ANKRD18B: variants seen among roughly 807,000 people sequenced by gnomAD.
ANKRD18B encodes ankyrin repeat domain 18B.
Under a neutral mutation model 111.8 loss-of-function variants are expected in ANKRD18B, and 75 were observed. The observed-to-expected ratio is 0.67, with a 90% confidence interval of 0.56 to 0.81. The LOEUF (loss-of-function observed/expected upper bound fraction) is 0.81, where lower values mean the gene tolerates loss of function less well. ANKRD18B is among the 40% of genes least tolerant of loss of function. The pLI, the probability that ANKRD18B is intolerant of heterozygous loss-of-function variation, is 0.00. For synonymous variants in ANKRD18B, 356 were observed against 417.3 expected (o/e 0.85, Z 1.79); for missense variants, 1,038 against 1,225.5 (o/e 0.85, Z 2.28).
In ANKRD18B at chr9:33,540,181, C is replaced by A. The variant is rs1828258330; in HGVS notation, c.966C>A (p.Ser322Arg). The change falls in exon 8 of 19, where the codon AGC becomes AGA. Residue 322 changes from serine to arginine, a missense_variant. This residue lies in a region of ANKRD18B where 93 missense variants were observed against 141.3 expected (regional missense o/e 0.66). Transcript: ENST00000684830. ...TCTCCTGCCTCAGCCTCCCGAGGAGCTGGGACAACAGGCACATGCGACCAT... is the reference window on the plus strand; with the variant it reads ...TCTCCTGCCTCAGCCTCCCGAGGAGATGGGACAACAGGCACATGCGACCAT... ...KQFSCLSLPR[S>R]WDNRHMRPCP... The A allele has an allele frequency of 6.6e-6, 1 of 151,268 alleles. No individual in the cohort carries two copies. The highest frequency in any genetic ancestry group is 3.4e-3 in the Middle Eastern group (1 of 294). 9.4% of individuals were successfully genotyped at this position (151,268 alleles called of 1,614,324 possible). A position where few individuals can be genotyped will look rare whatever the true frequency, so the allele number is the denominator to read the frequency against.
At chr9:33,559,344 C>T (rs1262123427) in intron 14 of ANKRD18B, among the ~76,000 whole-genome samples, 1 of 152,036 alleles carries the variant, frequency 6.6e-6, no homozygotes, top group Non-Finnish European at 1.5e-5. Context: ...ATCTCTTGGC[C>T]CTGCAACAGC....
chr9:33,570,433 A>G (rs1039333380), intron 17 of ANKRD18B, among the ~76,000 whole-genome samples: 77 of 146,320 alleles, frequency 5.3e-4, no homozygotes, highest in Middle Eastern at 6.9e-3. Flanking sequence ...CACAGGTACC[A>G]CTTTAATTTA....
intron 11 of ANKRD18B, 119 bp downstream of exon 11, chr9:33,548,974 A>G (rs1334349802): frequency 9.5e-7 from 1 of 1,052,104 alleles, no homozygotes; most frequent in African/African-American, 1.6e-5. Context: ...ACCATTCTGT[A>G]TAATTCCATT....
At chr9:33,566,745 T>G (rs1828691508) in intron 15 of ANKRD18B, among the ~76,000 whole-genome samples, 1 of 152,170 alleles carries the variant, frequency 6.6e-6, no homozygotes, top group Non-Finnish European at 1.5e-5. Context: ...ATTTGATGAT[T>G]AAGACCAGTT....
intron 13 of ANKRD18B, among the ~76,000 whole-genome samples, chr9:33,556,672 ATCTTT>A (rs1232467687): frequency 1.3e-5 from 2 of 152,054 alleles, no homozygotes; most frequent in African/African-American, 4.8e-5. Context: ...GTATTTGGTC[ATCTTT>A]TCTTCCTTTT....
chr9:33,545,962 C>A (rs1209871616), intron 10 of ANKRD18B, among the ~76,000 whole-genome samples: 1 of 152,118 alleles, frequency 6.6e-6, no homozygotes, highest in East Asian at 1.9e-4. Context: ...TTCTCATAAT[C>A]TTTGTTCATT....
intron 9 of ANKRD18B, among the ~76,000 whole-genome samples, chr9:33,541,790 T>TA (rs1239875644): frequency 6.6e-6 from 1 of 152,198 alleles, no homozygotes; most frequent in East Asian, 1.9e-4. Flanking sequence ...TTTTGCTTTT[T>TA]AAAAAAATTT....
At position 33,556,871 on chromosome 9, in the gene ANKRD18B, T is replaced by C. The variant is rs1420551035; in HGVS notation, c.2330+1051T>C. Reference sequence around the variant, plus strand: ...GGGTAGCTCCATTGTATACATGAAGTATACATCTTATTAAACTTCTGTTTT... The same window carrying C: ...GGGTAGCTCCATTGTATACATGAAGCATACATCTTATTAAACTTCTGTTTT... On this transcript the variant is annotated intron_variant, in intron 13 of 18. Coordinates refer to ENST00000684830, the MANE Select transcript of ANKRD18B (RefSeq NM_001393611.1). Among the ~76,000 whole-genome samples the C allele has an allele frequency of 3.9e-5, 6 of 152,188 alleles. No homozygotes were observed. In the East Asian group the frequency reaches 1.2e-3, roughly 29 times the overall value.
At chr9:33,542,449 C>T (rs893090828) in intron 9 of ANKRD18B, among the ~76,000 whole-genome samples, 4 of 149,530 alleles carry the variant, frequency 2.7e-5, no homozygotes, top group Non-Finnish European at 5.9e-5. Flanking sequence ...ATGGCATGAT[C>T]GAGACTCACT....
chr9:33,530,985 C>CT lies in ANKRD18B; in HGVS notation c.495+1821dup, dbSNP rs561658030. Among the ~76,000 whole-genome samples, 829 of 151,074 alleles carry CT rather than the reference C, an allele frequency of 5.5e-3. 5 individuals are homozygous for CT. Among genetic ancestry groups the CT allele is most frequent in the East Asian group, 0.039 (200 of 5,166 alleles). On this transcript the variant is annotated intron_variant, in intron 3 of 18. Transcript: ENST00000684830. ...GTTAGATCAGTAGCAAATCTTGAAC[C>CT]TTTTTTTTTCAGTTGCAGTTGTATT...
intron 13 of ANKRD18B, among the ~76,000 whole-genome samples, chr9:33,556,443 T>C (rs1219037000): frequency 6.6e-6 from 1 of 152,054 alleles, no homozygotes; most frequent in Non-Finnish European, 1.5e-5. Context: ...TTTGTATTTT[T>C]AGTAGAGATG....
intron 14 of ANKRD18B, among the ~76,000 whole-genome samples, chr9:33,560,444 G>A (rs996400932): frequency 2.0e-5 from 3 of 152,214 alleles, no homozygotes; most frequent in African/African-American, 4.8e-5. Context: ...TATCTGCACC[G>A]GATGTTTTAT....
chr9:33,524,756 T>C, intron 1 of ANKRD18B, 61 bp downstream of exon 1: 1 of 1,502,884 alleles, frequency 6.7e-7, no homozygotes, highest in Non-Finnish European at 8.9e-7. Flanking sequence ...CCGCACCGCC[T>C]GAGGCGGGGT....
At chr9:33,542,667 C>T (rs116386583) in intron 9 of ANKRD18B, among the ~76,000 whole-genome samples, 1,601 of 152,100 alleles carry the variant, frequency 0.011, 27 homozygotes, top group African/African-American at 0.036. Context: ...GAGCTACGTC[C>T]CCAGCCTACA....
chr9:33,572,309 T>G lies in ANKRD18B; in HGVS notation c.3224-7T>G. 6.2e-7 allele frequency: 1 copy of G among 1,605,876 alleles called. No individual in the cohort carries two copies. Among genetic ancestry groups the G allele is most frequent in the Non-Finnish European group, 8.5e-7 (1 of 1,174,230 alleles). ...TAAAGAACATAATCCTTTCTTTTTC[T>G]TTCCAGCTTTTGCTGCGTTGGGCCC... On this transcript the variant is annotated splice_polypyrimidine_tract_variant and splice_region_variant and intron_variant, in intron 18 of 18. Transcript: ENST00000684830.
intron 12 of ANKRD18B, among the ~76,000 whole-genome samples, chr9:33,552,533 G>C (rs1253798504): frequency 8.5e-5 from 13 of 152,116 alleles, no homozygotes; most frequent in Non-Finnish European, 1.5e-4. Flanking sequence ...GGTCATGTCG[G>C]TTATGTACTA....
In ANKRD18B at chr9:33,558,284, C is replaced by T. The variant is rs942674452; in HGVS notation, c.2460+97C>T. On this transcript the variant is annotated intron_variant, in intron 14 of 18. Coordinates refer to ENST00000684830, the MANE Select transcript of ANKRD18B (RefSeq NM_001393611.1). Reference sequence around the variant, plus strand: ...GGTAAATGTGTGCCATGATGGTTTGCTGCACGTATCAATCCATCACCTAGG... The same window carrying T: ...GGTAAATGTGTGCCATGATGGTTTGTTGCACGTATCAATCCATCACCTAGG... 18 of 1,337,684 alleles carry T rather than the reference C, an allele frequency of 1.3e-5. No individual in the cohort carries two copies. In the African/African-American group the frequency reaches 2.7e-4, roughly 20 times the overall value. 82.9% of individuals were successfully genotyped at this position (1,337,684 alleles called of 1,614,324 possible).
chr9:33,561,219 C>A (rs1828601950), intron 14 of ANKRD18B, among the ~76,000 whole-genome samples: 1 of 152,096 alleles, frequency 6.6e-6, no homozygotes, highest in Non-Finnish European at 1.5e-5. Flanking sequence ...TTTTATTGAA[C>A]AAAGATTTGG....
At chr9:33,533,293 C>T in intron 3 of ANKRD18B, 146 bp from the exon 4 acceptor site, 3 of 1,419,000 alleles carry the variant, frequency 2.1e-6, no homozygotes. Flanking sequence ...TGGGAAAGCA[C>T]AGAGGAGTGA....
Sources: allele counts gnomAD v4.1 joint callset (sites outside exome capture counted in the v4.1 genomes callset), GRCh38; gene constraint gnomAD v4.1.1; regional missense constraint gnomAD v4.1.1; transcripts MANE v1.5; gene names NCBI Gene and HGNC (gene_info 2026-07-23, HGNC 2026-07-21).